Variants in ARL15 observed in about 807,000 individuals in gnomAD.
ARL15 encodes the protein ADP-ribosylation factor-like protein 15.
ARL15 carries 19 observed loss-of-function variants against 25.2 expected under a neutral mutation model. The observed-to-expected ratio is 0.75, with a 90% CI of 0.53 to 1.10. The LOEUF is 1.10. ARL15 is among the 50% of genes least tolerant of loss of function. The pLI, the probability that ARL15 is intolerant of heterozygous loss-of-function variation, is 0.00. For synonymous variants in ARL15, 94 were observed against 86.8 expected (o/e 1.08, Z -0.46); for missense variants, 220 against 246.0 (o/e 0.89, Z 0.71).
At chr5:53,964,390 A>C (rs1000954542) in intron 4 of ARL15, among the ~76,000 whole-genome samples, 41 of 152,022 alleles carry the variant, frequency 2.7e-4, no homozygotes, top group South Asian at 6.2e-4. Context: ...GACGGAGTCT[A>C]GCTCTGTCCC....
rs143790457 is a variant in ARL15, at chr5:54,303,208, GCA to G, written c.48+7222_48+7223del. ...AGGCAGTGCGTGGCAAAAGAACATA[GCA>G]CAGTCTCAGTACCTCTTCAAAAGAA... On this transcript the variant is annotated intron_variant, in intron 1 of 4. Transcript: ENST00000504924. 2.0e-5 allele frequency among the ~76,000 whole-genome samples: 3 copies of G among 152,040 alleles called. No homozygotes were observed. The South Asian group carries it at 6.2e-4, about 32-fold the overall frequency.
intron 4 of ARL15, among the ~76,000 whole-genome samples, chr5:53,948,543 C>T (rs936230539): frequency 2.0e-5 from 3 of 152,178 alleles, no homozygotes; most frequent in African/African-American, 7.2e-5. Context: ...AATCTGGAAG[C>T]AATCTGGTAA....
chr5:54,211,358 G>T (rs1756035973), intron 1 of ARL15, among the ~76,000 whole-genome samples: 1 of 151,858 alleles, frequency 6.6e-6, no homozygotes, highest in African/African-American at 2.4e-5. Context: ...CTCACCGAGT[G>T]AAAGCCCTGA....
intron 4 of ARL15, among the ~76,000 whole-genome samples, chr5:53,900,887 C>A (rs544571255): frequency 1.9e-4 from 29 of 152,306 alleles, no homozygotes; most frequent in African/African-American, 6.7e-4. Flanking sequence ...AGTAAACAAC[C>A]TATCCTGGAA....
intron 4 of ARL15, among the ~76,000 whole-genome samples, chr5:54,064,393 T>C (rs189205172): frequency 3.3e-5 from 5 of 152,234 alleles, no homozygotes; most frequent in African/African-American, 1.2e-4. Flanking sequence ...TTCAGCATAG[T>C]AGGGCAGCTA....
chr5:53,950,388 C>T (rs935033946), intron 4 of ARL15, among the ~76,000 whole-genome samples: 11 of 152,080 alleles, frequency 7.2e-5, no homozygotes, highest in Non-Finnish European at 1.5e-4. Context: ...ACTATGGGAG[C>T]AGCTGGGGTT....
chr5:54,096,382 T>G (rs2112162308), intron 4 of ARL15, among the ~76,000 whole-genome samples: 1 of 152,322 alleles, frequency 6.6e-6, no homozygotes, highest in African/African-American at 2.4e-5. Context: ...CACAAGTTGT[T>G]TTGTTAAATG....
chr5:54,274,729 T>C (rs1757881560), intron 1 of ARL15, among the ~76,000 whole-genome samples: 2 of 151,908 alleles, frequency 1.3e-5, no homozygotes, highest in South Asian at 4.2e-4. Flanking sequence ...AAACCCCGAC[T>C]CTGCTAAAAA....
At position 53,886,278 on chromosome 5, in the gene ARL15, A is replaced by G. The variant is rs527801434; in HGVS notation, c.*283T>C. ...TTCCATCCGTTTCAGCACAGAGTAT[A>G]GAAGAGATGCTTAGAACAACAGAAG... On this transcript the variant is annotated 3_prime_UTR_variant, in exon 5 of 5. Transcript: ENST00000504924. 1 of 316,972 alleles carries G rather than the reference A, an allele frequency of 3.2e-6. No homozygotes were observed. Among genetic ancestry groups the G allele is most frequent in the South Asian group, 4.5e-5 (1 of 22,016 alleles). The allele number at this position is 316,972 out of a possible 1,614,324, so 19.6% of individuals were successfully genotyped here. A position where few individuals can be genotyped will look rare whatever the true frequency, so the allele number is the denominator to read the frequency against.
At chr5:54,104,024 C>G (rs879220223) in intron 4 of ARL15, among the ~76,000 whole-genome samples, 1 of 152,136 alleles carries the variant, frequency 6.6e-6, no homozygotes, top group Admixed American at 6.6e-5. Flanking sequence ...TGGTCAAAAC[C>G]TTTAATTACA....
At chr5:54,071,057 C>G (rs1472567599) in intron 4 of ARL15, among the ~76,000 whole-genome samples, 1 of 151,602 alleles carries the variant, frequency 6.6e-6, no homozygotes, top group Non-Finnish European at 1.5e-5. Context: ...GCAGTCCCTG[C>G]TACTTGGGAG....
intron 4 of ARL15, among the ~76,000 whole-genome samples, chr5:53,887,608 C>T (rs936646151): frequency 1.3e-5 from 2 of 152,130 alleles, no homozygotes; most frequent in African/African-American, 2.4e-5. Context: ...AGGAAGCTCC[C>T]GACTCATACA....
chr5:54,300,890 G>A (rs1365120202), intron 1 of ARL15, among the ~76,000 whole-genome samples: 1 of 152,130 alleles, frequency 6.6e-6, no homozygotes, highest in Non-Finnish European at 1.5e-5. Context: ...CCCTAGCTGG[G>A]CTCTGCAGCT....
chr5:53,933,635 ACTGT>A (rs1305999412), intron 4 of ARL15, among the ~76,000 whole-genome samples: 3 of 81,534 alleles, frequency 3.7e-5, no homozygotes, highest in African/African-American at 1.6e-4. Flanking sequence ...ACAGAGCGAG[ACTGT>A]CTCAAAAAAA....
chr5:54,194,932 C>T lies in ARL15; in HGVS notation c.49-23004G>A, dbSNP rs180967416. On this transcript the variant is annotated intron_variant, in intron 1 of 4. Transcript: ENST00000504924. ...TGCTCCTTCAAATCCCAAAGGCCTG[C>T]GTAGTGAGGTATGCCACAAAGAGTA... Among the ~76,000 whole-genome samples the T allele has an allele frequency of 8.6e-4, 131 of 152,212 alleles. 1 individual carries two copies. Among genetic ancestry groups the T allele is most frequent in the African/African-American group, 3.0e-3 (125 of 41,514 alleles).
chr5:54,252,789 A>G (rs1180554101), intron 1 of ARL15, among the ~76,000 whole-genome samples: 1 of 152,104 alleles, frequency 6.6e-6, no homozygotes, highest in Admixed American at 6.6e-5. Flanking sequence ...CAGTGGCCCA[A>G]TCTCGGCTCA....
At chr5:54,081,077 TATCTCC>T (rs1751784183) in intron 4 of ARL15, among the ~76,000 whole-genome samples, 1 of 152,184 alleles carries the variant, frequency 6.6e-6, no homozygotes, top group East Asian at 1.9e-4. Context: ...CTAAAAACCC[TATCTCC>T]AAATATAGTC....
At chr5:54,159,565 A>T (rs1393387469) in intron 2 of ARL15, among the ~76,000 whole-genome samples, 1 of 152,162 alleles carries the variant, frequency 6.6e-6, no homozygotes, top group Non-Finnish European at 1.5e-5. Flanking sequence ...AAAAGTAACC[A>T]CTGAGTCAAT....
chr5:53,990,317 T>C (rs1235689917), intron 4 of ARL15, among the ~76,000 whole-genome samples: 1 of 152,146 alleles, frequency 6.6e-6, no homozygotes, highest in African/African-American at 2.4e-5. Flanking sequence ...CATAAAAGAA[T>C]GCTCCTAGAG....
Sources: allele counts gnomAD v4.1 joint callset (sites outside exome capture counted in the v4.1 genomes callset), GRCh38; gene constraint gnomAD v4.1.1; transcripts MANE v1.5; gene names NCBI Gene and HGNC (gene_info 2026-07-23, HGNC 2026-07-21).